The following SYNDIG1 variants were observed in gnomAD, a reference collection of about 807,000 sequenced individuals.
SYNDIG1 encodes synapse differentiation-inducing gene protein 1.
SYNDIG1 carries 9 observed loss-of-function variants against 19.4 expected under a neutral mutation model. The observed-to-expected ratio is 0.46, with a 90% CI of 0.28 to 0.81. The LOEUF (loss-of-function observed/expected upper bound fraction) is 0.81, where lower values mean the gene tolerates loss of function less well. Among genes scored for constraint, SYNDIG1 ranks in the 30% least tolerant of loss-of-function variants. The probability of loss-of-function intolerance (pLI) is 0.12; values close to 1 mark genes in which losing one functional copy is unlikely to be tolerated. For missense variants in SYNDIG1, 311 were observed against 343.3 expected (o/e 0.91, Z 0.74); for synonymous variants, 141 against 145.9 (o/e 0.97, Z 0.24).
intron 1 of SYNDIG1, among the ~76,000 whole-genome samples, chr20:24,479,967 A>G (rs1231604050): frequency 6.6e-6 from 1 of 152,070 alleles, no homozygotes; most frequent in African/African-American, 2.4e-5. Flanking sequence ...TGCACACACA[A>G]ATGCCTGCAC....
chr20:24,525,286 C>CTTTTTTTTTTTT (rs11471122), intron 1 of SYNDIG1, among the ~76,000 whole-genome samples: 7 of 106,530 alleles, frequency 6.6e-5, no homozygotes, highest in South Asian at 3.1e-4. Context: ...TCTTCTTCTT[C>CTTTTTTTTTTTT]TTTTTTTTTT....
At chr20:24,522,430 C>T (rs545107715) in intron 1 of SYNDIG1, among the ~76,000 whole-genome samples, 31 of 152,246 alleles carry the variant, frequency 2.0e-4, no homozygotes, top group Non-Finnish European at 3.8e-4. Context: ...TTAAATTCTA[C>T]CAGTGGACTC....
Position 24,592,807 on chromosome 20 carries a change from C to A in SYNDIG1, c.618+7814C>A, listed in dbSNP as rs114735345. ...TTCAATATTTTGTAGAGATGGGGAT[C>A]TCTCTTTGTTTTCCAGGCTGGTCTC... On this transcript the variant is annotated intron_variant, in intron 3 of 3. Coordinates refer to ENST00000376862, the MANE Select transcript of SYNDIG1 (RefSeq NM_024893.3). Among the ~76,000 whole-genome samples the A allele has an allele frequency of 3.9e-3, 590 of 152,204 alleles. 7 individuals are homozygous for A. Among genetic ancestry groups the A allele is most frequent in the African/African-American group, 0.014 (571 of 41,520 alleles).
In SYNDIG1 at chr20:24,612,388, T is replaced by C. The variant is rs73612613; in HGVS notation, c.618+27395T>C. ...AGTCTACTTGGGAATATTGTGATGGTCCCTGTTGACATAAACATCCTTGTG... is the reference window on the plus strand; with the variant it reads ...AGTCTACTTGGGAATATTGTGATGGCCCCTGTTGACATAAACATCCTTGTG... On this transcript the variant is annotated intron_variant, in intron 3 of 3. Coordinates refer to ENST00000376862, the MANE Select transcript of SYNDIG1 (RefSeq NM_024893.3). Among the ~76,000 whole-genome samples, 521 of 152,222 alleles carry C rather than the reference T, an allele frequency of 3.4e-3. 12 individuals are homozygous for C. The East Asian group carries it at 0.065, about 19-fold the overall frequency.
chr20:24,580,951 G>T (rs758951480), intron 2 of SYNDIG1, among the ~76,000 whole-genome samples: 1 of 152,226 alleles, frequency 6.6e-6, no homozygotes, highest in Non-Finnish European at 1.5e-5. Flanking sequence ...GGTTCCCCAA[G>T]CGTTGACTAA....
At chr20:24,581,957 GTCCTCCCCACTGCACA>G (rs1215547150) in intron 2 of SYNDIG1, among the ~76,000 whole-genome samples, 1 of 139,558 alleles carries the variant, frequency 7.2e-6, no homozygotes, top group African/African-American at 2.7e-5. Context: ...CCTGCTGCAC[GTCCTCCCCACTGCACA>G]TCCTCCCCTC....
rs150708533 is a variant in SYNDIG1, at chr20:24,628,908, G to T, written c.619-36438G>T. On this transcript the variant is annotated intron_variant, in intron 3 of 3. Transcript: ENST00000376862. ...ATTGGGTGGGAGGGAAAGCAAGCAG[G>T]TTTGTAGGCTTTCTAAAGCCCCCCA... 5.2e-3 allele frequency among the ~76,000 whole-genome samples: 796 copies of T among 152,308 alleles called. 7 individuals carry two copies. The highest frequency in any genetic ancestry group is 0.018 in the African/African-American group (749 of 41,560).
chr20:24,636,572 TG>T (rs2059318517), intron 3 of SYNDIG1, among the ~76,000 whole-genome samples: 1 of 152,218 alleles, frequency 6.6e-6, no homozygotes, highest in Non-Finnish European at 1.5e-5. Context: ...ACTATGCAGA[TG>T]GGGTCTCTAC....
At chr20:24,604,436 C>T (rs1016549839) in intron 3 of SYNDIG1, among the ~76,000 whole-genome samples, 6 of 152,124 alleles carry the variant, frequency 3.9e-5, no homozygotes, top group Non-Finnish European at 5.9e-5. Flanking sequence ...ACCAAGATAG[C>T]GACAAAAGTG....
At chr20:24,588,519 C>A (rs1034289307) in intron 3 of SYNDIG1, among the ~76,000 whole-genome samples, 1 of 152,198 alleles carries the variant, frequency 6.6e-6, no homozygotes, top group African/African-American at 2.4e-5. Flanking sequence ...CCACCACACA[C>A]CTGCTCAGTC....
chr20:24,601,078 T>A (rs2058673281), intron 3 of SYNDIG1, among the ~76,000 whole-genome samples: 1 of 152,256 alleles, frequency 6.6e-6, no homozygotes, highest in Non-Finnish European at 1.5e-5. Context: ...CGAAAGCTTT[T>A]TGTGCAAATG....
intron 2 of SYNDIG1, among the ~76,000 whole-genome samples, chr20:24,547,787 G>T (rs78563748): frequency 6.6e-6 from 1 of 152,274 alleles, no homozygotes; most frequent in African/African-American, 2.4e-5. Flanking sequence ...GAGACTTCAG[G>T]GACAAGTAAT....
intron 3 of SYNDIG1, among the ~76,000 whole-genome samples, chr20:24,632,367 G>A (rs2059257148): frequency 1.3e-5 from 2 of 152,160 alleles, no homozygotes; most frequent in Admixed American, 1.3e-4. Context: ...AGCCTCCTGA[G>A]TAGCTGGGAT....
At chr20:24,493,557 A>G (rs547530950) in intron 1 of SYNDIG1, among the ~76,000 whole-genome samples, 3 of 152,354 alleles carry the variant, frequency 2.0e-5, no homozygotes, top group South Asian at 2.1e-4. Context: ...TGTTTTAACT[A>G]CATCTTCCCC....
At chr20:24,562,608 AC>A (rs2057968310) in intron 2 of SYNDIG1, among the ~76,000 whole-genome samples, 1 of 152,212 alleles carries the variant, frequency 6.6e-6, no homozygotes, top group Non-Finnish European at 1.5e-5. Flanking sequence ...AGATAATAAT[AC>A]AAGGGGACCA....
At chr20:24,471,179 C>T (rs919952195) in intron 1 of SYNDIG1, among the ~76,000 whole-genome samples, 1 of 152,126 alleles carries the variant, frequency 6.6e-6, no homozygotes, top group African/African-American at 2.4e-5. Context: ...CGGCCAACTT[C>T]TCCGTGCTAG....
chr20:24,540,785 G>T (rs750655678), intron 1 of SYNDIG1, among the ~76,000 whole-genome samples: 1 of 151,990 alleles, frequency 6.6e-6, no homozygotes, highest in South Asian at 2.1e-4. Context: ...TTAATATGCC[G>T]CTTAATTCAG....
chr20:24,643,656 C>G (rs996426672), intron 3 of SYNDIG1, among the ~76,000 whole-genome samples: 4 of 152,224 alleles, frequency 2.6e-5, no homozygotes, highest in Admixed American at 2.0e-4. Flanking sequence ...CCATCATAAT[C>G]TGCATTCCCT....
chr20:24,549,211 T>C (rs1029171033), intron 2 of SYNDIG1, among the ~76,000 whole-genome samples: 1 of 152,134 alleles, frequency 6.6e-6, no homozygotes, highest in Non-Finnish European at 1.5e-5. Context: ...TCTCTTCCTA[T>C]CTCTCCCTTC....
Sources: gnomAD v4.1 joint callset for allele counts (sites outside exome capture counted in the v4.1 genomes callset) on GRCh38, gnomAD v4.1.1 for gene constraint, MANE v1.5 for transcripts, NCBI Gene and HGNC (gene_info 2026-07-23, HGNC 2026-07-21) for gene names.